Variants in SANBR observed in about 807,000 individuals in gnomAD.
The protein encoded by SANBR is SANT and BTB domain regulator of CSR.
A neutral mutation model predicts 101.8 loss-of-function variants in SANBR; 77 were observed. That is an observed-to-expected ratio of 0.76 (90% CI 0.63 to 0.91). The LOEUF (loss-of-function observed/expected upper bound fraction) is 0.91. Among genes scored for constraint, SANBR ranks in the 40% least tolerant of loss-of-function variants. The pLI is 0.00. For synonymous variants in SANBR, 279 were observed against 274.7 expected, an observed-to-expected ratio of 1.02 and a Z score of -0.15; for missense variants, 875 against 853.0, an observed-to-expected ratio of 1.03 and a Z score of -0.32.
chr2:61,068,075 C>A (rs1193216019), intron 1 of SANBR, among the ~76,000 whole-genome samples: 1 of 152,164 alleles, frequency 6.6e-6, no homozygotes, highest in Non-Finnish European at 1.5e-5. Context: ...CCTTGCTGGT[C>A]ACACTTTTGG....
chr2:61,110,136 CAT>C (rs1338931094), intron 16 of SANBR, among the ~76,000 whole-genome samples: 1 of 152,172 alleles, frequency 6.6e-6, no homozygotes. Flanking sequence ...TGAATAGAAT[CAT>C]GAGTAATCTT....
intron 12 of SANBR, among the ~76,000 whole-genome samples, chr2:61,103,178 C>T (rs1164920993): frequency 6.6e-6 from 1 of 150,738 alleles, no homozygotes; most frequent in African/African-American, 2.4e-5. Context: ...CTCTATCGCC[C>T]AAGCTGGAGT....
At chr2:61,078,992 T>C (rs933811296) in intron 6 of SANBR, among the ~76,000 whole-genome samples, 3 of 151,836 alleles carry the variant, frequency 2.0e-5, no homozygotes, top group African/African-American at 7.3e-5. Context: ...TGAGCCAAAA[T>C]TGCACCACCG....
chr2:61,099,732 G>C (rs1683197499), intron 12 of SANBR, among the ~76,000 whole-genome samples: 1 of 152,210 alleles, frequency 6.6e-6, no homozygotes, highest in Admixed American at 6.5e-5. Flanking sequence ...CTATGGCTGG[G>C]TGAAGCAGCA....
intron 14 of SANBR, 76 bp downstream of exon 14, chr2:61,106,738 C>G: frequency 1.1e-6 from 1 of 907,274 alleles, no homozygotes; most frequent in Non-Finnish European, 1.7e-6. Context: ...GGAACCTGAT[C>G]AGTTTAAGTT....
At chr2:61,127,347 G>T (rs74393026), downstream of SANBR, among the ~76,000 whole-genome samples, 3,960 of 152,210 alleles carry the variant, frequency 0.026, 68 homozygotes, top group Non-Finnish European at 0.041. Flanking sequence ...CCTTGTCATG[G>T]GTTCTCAAGA....
At position 61,073,671 on chromosome 2, in the gene SANBR, A is replaced by C; in HGVS notation, c.431+120A>C. ...TTGCATAATTGCTGAAACTACTGGA[A>C]TCAGCTTAGTTCATGTGTTGAACTG... On this transcript the variant is annotated intron_variant, in intron 5 of 21. Coordinates refer to ENST00000402291, the MANE Select transcript of SANBR (RefSeq NM_001129993.3). 3 of 533,236 alleles carry C rather than the reference A, an allele frequency of 5.6e-6. No individual in the cohort carries two copies. In the South Asian group the frequency reaches 1.1e-4, roughly 19 times the overall value. 33.0% of individuals were successfully genotyped at this position (533,236 alleles called of 1,614,324 possible).
At chr2:61,112,668 A>G (rs1310077985) in intron 16 of SANBR, among the ~76,000 whole-genome samples, 1 of 151,778 alleles carries the variant, frequency 6.6e-6, no homozygotes, top group Non-Finnish European at 1.5e-5. Flanking sequence ...TACTTTTTGT[A>G]TTTTTAGTAG....
chr2:61,104,201 G>A (rs186741560), intron 13 of SANBR, among the ~76,000 whole-genome samples: 299 of 152,268 alleles, frequency 2.0e-3, no homozygotes, highest in Non-Finnish European at 3.3e-3. Context: ...TACTGGAGGT[G>A]GCTGGGCGCG....
chr2:61,117,578 T>C, intron 19 of SANBR, 38 bp downstream of exon 19: 1 of 1,485,348 alleles, frequency 6.7e-7, no homozygotes, highest in Non-Finnish European at 9.4e-7. Context: ...AAATTGGATG[T>C]AAATAGCAAT....
intron 6 of SANBR, among the ~76,000 whole-genome samples, chr2:61,079,017 T>A (rs1681944328): frequency 6.6e-6 from 1 of 151,996 alleles, no homozygotes; most frequent in African/African-American, 2.4e-5. Context: ...CCAGCCTGGG[T>A]GACAGAGTGA....
At chr2:61,077,489 G>A (rs1264793357) in intron 6 of SANBR, among the ~76,000 whole-genome samples, 2 of 151,766 alleles carry the variant, frequency 1.3e-5, no homozygotes, top group African/African-American at 4.8e-5. Context: ...TTGCTCAGAT[G>A]GTACAAAAGC....
At chr2:61,129,829 AATAT>A (rs903167558) in intron 20 of SANBR, among the ~76,000 whole-genome samples, 27 of 152,066 alleles carry the variant, frequency 1.8e-4, no homozygotes, top group Admixed American at 3.3e-4. Flanking sequence ...AAAAGCTATA[AATAT>A]ATATAGGCTA....
rs552174408 is a variant in SANBR at position 61,086,003 on chromosome 2, T to C, written c.891-2156T>C. Reference sequence around the variant, plus strand: ...TAAACCTGCTAGAATTTGGGATTCATGTAATCTGTAGATCAATTTAGGAAG... The same window carrying C: ...TAAACCTGCTAGAATTTGGGATTCACGTAATCTGTAGATCAATTTAGGAAG... On this transcript the variant is annotated intron_variant, in intron 8 of 21. Coordinates refer to ENST00000402291, the MANE Select transcript of SANBR (RefSeq NM_001129993.3). 1.7e-4 allele frequency among the ~76,000 whole-genome samples: 26 copies of C among 152,334 alleles called. 1 individual carries two copies. The South Asian group carries it at 5.4e-3, about 32-fold the overall frequency.
chr2:61,127,804 T>TAA (rs780815146), downstream of SANBR, among the ~76,000 whole-genome samples: 4 of 151,992 alleles, frequency 2.6e-5, no homozygotes, highest in East Asian at 7.7e-4. Flanking sequence ...GAAAGGAAGA[T>TAA]AAAAAAATGT....
chr2:61,129,538 ATTTCT>A (rs1285009442), intron 20 of SANBR, among the ~76,000 whole-genome samples: 8 of 152,152 alleles, frequency 5.3e-5, no homozygotes, highest in African/African-American at 1.7e-4. Context: ...CGACATGCAT[ATTTCT>A]TTTCTTAACT....
At chr2:61,119,856 C>T (rs574479745) in intron 20 of SANBR, among the ~76,000 whole-genome samples, 12 of 152,116 alleles carry the variant, frequency 7.9e-5, no homozygotes, top group East Asian at 3.9e-4. Context: ...CAGCTACTAG[C>T]GAGACTGAAG....
chr2:61,092,895 A>G (rs1682841004), intron 11 of SANBR, among the ~76,000 whole-genome samples: 1 of 151,962 alleles, frequency 6.6e-6, no homozygotes. Flanking sequence ...GCACTTTGGG[A>G]GGCCGAGGTG....
At chr2:61,084,542 T>C (rs1054691757) in intron 8 of SANBR, among the ~76,000 whole-genome samples, 1 of 152,024 alleles carries the variant, frequency 6.6e-6, no homozygotes, top group Non-Finnish European at 1.5e-5. Context: ...CTGGGCAACA[T>C]AGTGAGACCC....
Sources: gnomAD v4.1 joint callset for allele counts (sites outside exome capture counted in the v4.1 genomes callset) on GRCh38, gnomAD v4.1.1 for gene constraint, MANE v1.5 for transcripts, NCBI Gene and HGNC (gene_info 2026-07-23, HGNC 2026-07-21) for gene names.